Variants in GPM6A observed in about 807,000 individuals in gnomAD.
GPM6A encodes glycoprotein M6A.
GPM6A carries 7 observed loss-of-function variants against 32.1 expected under a neutral mutation model. The observed-to-expected ratio is 0.22, with a 90% CI of 0.12 to 0.41. The LOEUF (loss-of-function observed/expected upper bound fraction) is 0.41. GPM6A is among the 10% of genes least tolerant of loss of function. The probability of loss-of-function intolerance (pLI) is 1.00; values close to 1 mark genes in which losing one functional copy is unlikely to be tolerated. For synonymous variants in GPM6A, 130 were observed against 123.4 expected, an observed-to-expected ratio of 1.05 and a Z score of -0.35; for missense variants, 235 against 347.2, an observed-to-expected ratio of 0.68 and a Z score of 2.57.
intron 2 of GPM6A, among the ~76,000 whole-genome samples, chr4:175,675,926 C>T (rs547874009): frequency 1.2e-4 from 19 of 152,224 alleles, no homozygotes; most frequent in African/African-American, 4.6e-4. Context: ...GCTGTGTCCC[C>T]ACCCAAATCT....
At chr4:175,821,991 G>A (rs1221725603) in intron 1 of GPM6A, among the ~76,000 whole-genome samples, 1 of 152,102 alleles carries the variant, frequency 6.6e-6, no homozygotes, top group African/African-American at 2.4e-5. Context: ...GATTTTAAAA[G>A]AAATGATTCT....
chr4:175,708,221 A>C (rs955474364), intron 1 of GPM6A, among the ~76,000 whole-genome samples: 1 of 152,152 alleles, frequency 6.6e-6, no homozygotes, highest in African/African-American at 2.4e-5. Context: ...AAATCTAAAC[A>C]AAGAGGTGGG....
At chr4:175,905,410 G>A (rs1200390446) in intron 1 of GPM6A, among the ~76,000 whole-genome samples, 1 of 151,920 alleles carries the variant, frequency 6.6e-6, no homozygotes, top group African/African-American at 2.4e-5. Flanking sequence ...TATTGTTAGT[G>A]TTAATGTTAG....
intron 1 of GPM6A, among the ~76,000 whole-genome samples, chr4:175,949,001 G>A (rs1476017690): frequency 2.0e-5 from 3 of 150,282 alleles, no homozygotes; most frequent in African/African-American, 7.3e-5. Flanking sequence ...GTGTTGGGGG[G>A]ATGTGGTGGA....
At chr4:175,676,620 G>C (rs1743382955) in intron 2 of GPM6A, among the ~76,000 whole-genome samples, 1 of 152,108 alleles carries the variant, frequency 6.6e-6, no homozygotes, top group African/African-American at 2.4e-5. Context: ...CTGGCAGAAG[G>C]CTGTAGTCCT....
chr4:175,903,922 TG>T (rs1252003528), intron 1 of GPM6A, among the ~76,000 whole-genome samples: 1 of 152,084 alleles, frequency 6.6e-6, no homozygotes, highest in Non-Finnish European at 1.5e-5. Flanking sequence ...CACGCCAAAA[TG>T]GGATCATTGT....
chr4:175,742,179 A>G (rs568324857), intron 1 of GPM6A, among the ~76,000 whole-genome samples: 3 of 152,226 alleles, frequency 2.0e-5, no homozygotes, highest in Admixed American at 6.5e-5. Context: ...ATACCCAAAT[A>G]CTCATATTGC....
intron 1 of GPM6A, among the ~76,000 whole-genome samples, chr4:175,743,291 T>C (rs546382637): frequency 3.0e-4 from 46 of 152,104 alleles, no homozygotes; most frequent in African/African-American, 9.4e-4. Flanking sequence ...GTAGTGTAGA[T>C]TCCAGTATAA....
At chr4:175,958,162 G>T (rs956832076) in intron 1 of GPM6A, among the ~76,000 whole-genome samples, 3 of 152,154 alleles carry the variant, frequency 2.0e-5, no homozygotes, top group African/African-American at 7.2e-5. Context: ...CAAAATGTTG[G>T]GATTACAGGC....
intron 4 of GPM6A, among the ~76,000 whole-genome samples, chr4:175,648,644 C>T (rs528241028): frequency 6.6e-6 from 1 of 152,280 alleles, no homozygotes; most frequent in South Asian, 2.1e-4. Flanking sequence ...CTCTGGAGGC[C>T]CTAGAAGCAG....
chr4:175,693,336 C>A (rs1744402483), intron 2 of GPM6A, among the ~76,000 whole-genome samples: 1 of 148,654 alleles, frequency 6.7e-6, no homozygotes, highest in Non-Finnish European at 1.5e-5. Flanking sequence ...TATTTGGAAA[C>A]AGGAGTATTA....
At chr4:175,831,815 T>C (rs1340288831) in intron 1 of GPM6A, among the ~76,000 whole-genome samples, 1 of 148,566 alleles carries the variant, frequency 6.7e-6, no homozygotes, top group Admixed American at 6.9e-5. Context: ...TCCTCCTGGG[T>C]TCAAGTGATT....
intron 1 of GPM6A, among the ~76,000 whole-genome samples, chr4:175,723,665 T>C (rs1746257757): frequency 6.6e-6 from 1 of 152,104 alleles, no homozygotes; most frequent in South Asian, 2.1e-4. Context: ...GGAATGTTCA[T>C]CTTACAGCCT....
chr4:175,968,006 C>T (rs528813465), intron 1 of GPM6A, among the ~76,000 whole-genome samples: 4 of 152,214 alleles, frequency 2.6e-5, no homozygotes, highest in African/African-American at 9.6e-5. Flanking sequence ...ACTGATATCA[C>T]CTGACTTTAA....
rs1019348043 is a variant in GPM6A, at chr4:175,684,031, A to C, written c.231-10195T>G. On this transcript the variant is annotated intron_variant, in intron 2 of 6. Coordinates refer to ENST00000393658, the MANE Select transcript of GPM6A (RefSeq NM_201591.3). The stretch of plus-strand genomic sequence containing the variant: ...TTTTTAGTAAAGATGGAGTTTCACC[A>C]TTTTGGCCAGGCTGGTCTCAAACTC... Among the ~76,000 whole-genome samples, 61 of 152,002 alleles carry C rather than the reference A, an allele frequency of 4.0e-4. 1 individual carries two copies. Among genetic ancestry groups the C allele is most frequent in the African/African-American group, 1.5e-3 (61 of 41,448 alleles).
chr4:175,993,481 T>G (rs2126464606), intron 1 of GPM6A, among the ~76,000 whole-genome samples: 1 of 152,250 alleles, frequency 6.6e-6, no homozygotes, highest in South Asian at 2.1e-4. Flanking sequence ...GCCTTAGTGT[T>G]TCTTTCACAA....
intron 1 of GPM6A, among the ~76,000 whole-genome samples, chr4:175,924,368 C>T (rs747024115): frequency 2.0e-5 from 3 of 152,136 alleles, no homozygotes; most frequent in Non-Finnish European, 2.9e-5. Flanking sequence ...CCTGCCATTC[C>T]GACCACACAT....
In GPM6A at chr4:175,843,405, TGAG is replaced by T. The variant is rs1190461006; in HGVS notation, c.-22-31159_-22-31157del. Among the ~76,000 whole-genome samples the T allele has an allele frequency of 5.3e-5, 8 of 152,184 alleles. No individual in the cohort carries two copies. The East Asian group carries it at 1.5e-3, about 29-fold the overall frequency. On this transcript the variant is annotated intron_variant, in intron 1 of 7. Coordinates refer to the GPM6A transcript ENST00000280187. The stretch of plus-strand genomic sequence containing the variant: ...CCCCTGCCTTCAGAGCACAAAACAA[TGAG>T]GAGGCAAGTTCACTGCATCTGACCA...
chr4:175,985,752 A>T (rs1461043589), intron 1 of GPM6A, among the ~76,000 whole-genome samples: 1 of 152,066 alleles, frequency 6.6e-6, no homozygotes, highest in Non-Finnish European at 1.5e-5. Flanking sequence ...ATTTACTTAT[A>T]ATTTTTATCA....
Sources: gnomAD v4.1 joint callset for allele counts (sites outside exome capture counted in the v4.1 genomes callset) on GRCh38, gnomAD v4.1.1 for gene constraint, MANE v1.5 for transcripts, NCBI Gene and HGNC (gene_info 2026-07-23, HGNC 2026-07-21) for gene names.